Variants in LRRC40 observed in about 807,000 individuals in gnomAD.
LRRC40 encodes the protein leucine-rich repeat-containing protein 40.
LRRC40 carries 76 observed loss-of-function variants against 72.8 expected under a neutral mutation model. That is an observed-to-expected ratio of 1.04 (90% confidence interval 0.87 to 1.26). LRRC40 has a LOEUF of 1.26. Among genes scored for constraint, LRRC40 ranks in the 50% most tolerant of loss-of-function variants. LRRC40 has a pLI of 0.00. For missense variants in LRRC40, 684 were observed against 698.9 expected (o/e 0.98, Z 0.24); for synonymous variants, 243 against 254.2 (o/e 0.96, Z 0.42).
chr1:70,190,652 G>A (rs947242458), intron 1 of LRRC40, among the ~76,000 whole-genome samples: 1 of 98,146 alleles, frequency 1.0e-5, no homozygotes, highest in African/African-American at 5.2e-5. Context: ...ACTCCAGCCT[G>A]GGAAACAGAG....
In LRRC40 at chr1:70,152,510, G is replaced by A. The variant is rs976655995; in HGVS notation, c.1362C>T (p.Val454=). 6.9e-6 allele frequency: 11 copies of A among 1,605,104 alleles called. No homozygotes were observed. Among genetic ancestry groups the A allele is most frequent in the South Asian group, 1.1e-5 (1 of 90,578 alleles). ...MVELKEMVSD[V]DLSFNKLSFI... Reference sequence around the variant, plus strand: ...AGGAAAGTTTATTAAAACTGAGATCGACATCAGAAACCATTTCCTTCAGTT... The same window carrying A: ...AGGAAAGTTTATTAAAACTGAGATCAACATCAGAAACCATTTCCTTCAGTT... Residue 454 remains valine, a synonymous_variant, in exon 12 of 15, where the codon GTC becomes GTT. Transcript: ENST00000370952.
At chr1:70,161,223 T>A (rs1667752949) in intron 9 of LRRC40, among the ~76,000 whole-genome samples, 2 of 151,506 alleles carry the variant, frequency 1.3e-5, no homozygotes, top group South Asian at 4.2e-4. Context: ...TAGCTGGGGC[T>A]ACTGGTGCCC....
intron 1 of LRRC40, among the ~76,000 whole-genome samples, chr1:70,195,911 C>G (rs1668598019): frequency 6.6e-6 from 1 of 152,130 alleles, no homozygotes; most frequent in South Asian, 2.1e-4. Context: ...GCTGGGAGTA[C>G]AGGCGTGAGC....
intron 13 of LRRC40, among the ~76,000 whole-genome samples, chr1:70,149,004 T>C (rs534817401): frequency 1.1e-4 from 16 of 152,332 alleles, no homozygotes; most frequent in African/African-American, 3.8e-4. Context: ...GTATTCTTCC[T>C]TTCACTTTTA....
intron 3 of LRRC40, among the ~76,000 whole-genome samples, chr1:70,186,342 T>A (rs1668358585): frequency 6.6e-6 from 1 of 152,222 alleles, no homozygotes; most frequent in Non-Finnish European, 1.5e-5. Flanking sequence ...CTCTTGTCTT[T>A]ACAGGCCACG....
Position 70,173,783 on chromosome 1 carries a change from A to G in LRRC40, c.978-74T>C, listed in dbSNP as rs1668047583. ...CTCCAACCATAGTTAACTATAAAAC[A>G]TCATATGGCAAACAACATATCACAG... is the stretch of plus-strand genomic sequence containing the variant. On this transcript the variant is annotated intron_variant, in intron 7 of 14. Coordinates refer to ENST00000370952, the MANE Select transcript of LRRC40 (RefSeq NM_017768.5). 3 of 701,062 alleles carry G rather than the reference A, an allele frequency of 4.3e-6. No homozygotes were observed. In the South Asian group the frequency reaches 6.2e-5, roughly 15 times the overall value. The allele number at this position is 701,062 out of a possible 1,614,324, so 43.4% of individuals were successfully genotyped here.
chr1:70,179,615 C>T (rs1278176026), intron 5 of LRRC40, among the ~76,000 whole-genome samples: 1 of 152,110 alleles, frequency 6.6e-6, no homozygotes, highest in Non-Finnish European at 1.5e-5. Flanking sequence ...ATTAATAACA[C>T]TGGATATTAG....
intron 5 of LRRC40, chr1:70,180,274 C>A (rs936368818): frequency 6.6e-6 from 1 of 152,200 alleles, no homozygotes; most frequent in African/African-American, 2.4e-5. Flanking sequence ...CCTCCTTAGG[C>A]AACCTGGTGG....
Position 70,149,826 on chromosome 1 carries a change from T to C in LRRC40, c.1518-1154A>G, listed in dbSNP as rs76956602. On this transcript the variant is annotated intron_variant, in intron 13 of 14. Transcript: ENST00000370952. ...TGAGGAATAATAATAGTACTAAACA[T>C]ATACACTTGTTATAAGGATTAAATG... is the stretch of plus-strand genomic sequence containing the variant. 3.6e-3 allele frequency among the ~76,000 whole-genome samples: 546 copies of C among 152,306 alleles called. 8 individuals carry two copies. The highest frequency in any genetic ancestry group is 0.035 in the East Asian group (181 of 5,186).
At chr1:70,203,755 T>C (rs923354471) in intron 1 of LRRC40, among the ~76,000 whole-genome samples, 3 of 152,076 alleles carry the variant, frequency 2.0e-5, no homozygotes, top group African/African-American at 4.8e-5. Flanking sequence ...TGAGCAAAGA[T>C]AGGAAGATAA....
rs1667708748 is a variant in LRRC40, at chr1:70,159,369, T to C, written c.1181A>G (p.Asn394Ser). 6.3e-7 allele frequency: 1 copy of C among 1,584,874 alleles called. No individual in the cohort carries two copies. Among genetic ancestry groups the C allele is most frequent in the Non-Finnish European group, 8.6e-7 (1 of 1,158,096 alleles). The change falls in exon 10 of 15, where the codon AAT becomes AGT. Residue 394 changes from asparagine to serine, a missense_variant. By Grantham distance (46) the Asn-to-Ser change is conservative (BLOSUM62 1). Transcript: ENST00000370952. ...AMTLPSESRV[N>S]IHAIITLKIL... Reference sequence around the variant, plus strand: ...TTTTAATGTAATGATGGCATGTATATTGACTCTGGATTCACTTGGTAGTGT... The same window carrying C: ...TTTTAATGTAATGATGGCATGTATACTGACTCTGGATTCACTTGGTAGTGT...
At chr1:70,200,796 G>A (rs574082495) in intron 1 of LRRC40, among the ~76,000 whole-genome samples, 1 of 152,208 alleles carries the variant, frequency 6.6e-6, no homozygotes, top group Admixed American at 6.5e-5. Flanking sequence ...TCTCATATAT[G>A]TGTATAGAGA....
rs4649910 is a variant in LRRC40, at chr1:70,157,430, C to T, written c.1221-1634G>A. Among the ~76,000 whole-genome samples, 537 of 152,166 alleles carry T rather than the reference C, an allele frequency of 3.5e-3. 5 individuals carry two copies. The highest frequency in any genetic ancestry group is 0.031 in the South Asian group (150 of 4,822). On this transcript the variant is annotated intron_variant, in intron 10 of 14. Coordinates refer to ENST00000370952, the MANE Select transcript of LRRC40 (RefSeq NM_017768.5). ...TTAAAGTCTTTAAGAAAAACAAATCCGAATAAATTTAGAATCAAAGTAATC... is the reference window on the plus strand; with the variant it reads ...TTAAAGTCTTTAAGAAAAACAAATCTGAATAAATTTAGAATCAAAGTAATC...
intron 4 of LRRC40, among the ~76,000 whole-genome samples, chr1:70,184,022 G>T (rs1226532906): frequency 1.3e-5 from 2 of 152,136 alleles, no homozygotes; most frequent in African/African-American, 4.8e-5. Context: ...GCTGAGGAGG[G>T]TGGATCATTT....
In LRRC40 at chr1:70,175,932, A is replaced by C; in HGVS notation, c.855T>G (p.Leu285=). 1 of 1,595,936 alleles carries C rather than the reference A, an allele frequency of 6.3e-7. No individual in the cohort carries two copies. The highest frequency in any genetic ancestry group is 8.5e-7 in the Non-Finnish European group (1 of 1,174,626). The change falls in exon 7 of 15, where the codon CTT becomes CTG. Residue 285 remains leucine (L), a synonymous_variant. Transcript: ENST00000370952. ...NQIEMLEAEH[L]KHLNSILVLD... ...GCACAAGAATTGAATTCAGATGTTT[A>C]AGATGTTCTGCCTCTAACATTTCAA...
In LRRC40 at chr1:70,144,911, CTAT is replaced by C. The variant is rs1312361213; in HGVS notation, c.*886_*888del. On this transcript the variant is annotated 3_prime_UTR_variant, in exon 15 of 15. Coordinates refer to ENST00000370952, the MANE Select transcript of LRRC40 (RefSeq NM_017768.5). ...CCTCAATCATCCAAAAGCTATCTAC[CTAT>C]CTATATAAATTGATATACATGCTAC... is the stretch of plus-strand genomic sequence containing the variant. 6.6e-6 allele frequency: 1 copy of C among 152,064 alleles called. No individual in the cohort carries two copies. The highest frequency in any genetic ancestry group is 2.4e-5 in the African/African-American group (1 of 41,418). 9.4% of individuals were successfully genotyped at this position (152,064 alleles called of 1,614,324 possible).
intron 6 of LRRC40, among the ~76,000 whole-genome samples, chr1:70,177,457 G>A (rs1355479251): frequency 2.0e-5 from 3 of 152,132 alleles, no homozygotes; most frequent in African/African-American, 7.2e-5. Context: ...ATTTCCAGGT[G>A]AGCAGTTCAG....
intron 7 of LRRC40, among the ~76,000 whole-genome samples, chr1:70,174,653 T>G (rs1166007581): frequency 6.6e-6 from 1 of 150,856 alleles, no homozygotes; most frequent in Non-Finnish European, 1.5e-5. Flanking sequence ...ACAAAAACTT[T>G]ATGTTACATG....
intron 10 of LRRC40, among the ~76,000 whole-genome samples, chr1:70,155,997 A>G (rs1034019455): frequency 2.0e-5 from 3 of 152,116 alleles, no homozygotes; most frequent in African/African-American, 7.2e-5. Context: ...ATATTGTGTT[A>G]TAACATATTG....
Sources: gnomAD v4.1 joint callset for allele counts (sites outside exome capture counted in the v4.1 genomes callset) on GRCh38, gnomAD v4.1.1 for gene constraint, MANE v1.5 for transcripts, NCBI Gene and HGNC (gene_info 2026-07-23, HGNC 2026-07-21) for gene names.